The following PDE10A variants were observed in gnomAD, a reference collection of about 807,000 sequenced individuals.
PDE10A encodes phosphodiesterase 10A.
PDE10A carries 39 observed loss-of-function variants against 97.7 expected under a neutral mutation model. The ratio of observed to expected loss-of-function variants is 0.40; its 90% CI spans 0.31 to 0.52. The LOEUF (loss-of-function observed/expected upper bound fraction) is 0.52, where lower values mean the gene tolerates loss of function less well. Among genes scored for constraint, PDE10A ranks in the 20% least tolerant of loss-of-function variants. The pLI is 0.56. For missense variants in PDE10A, 731 were observed against 1,047.8 expected, an observed-to-expected ratio of 0.70 and a Z score of 4.17; for synonymous variants, 371 against 376.8, an observed-to-expected ratio of 0.98 and a Z score of 0.18.
chr6:165,407,305 T>TCGAGCACGA (rs1380469566), intron 13 of PDE10A, among the ~76,000 whole-genome samples: 8 of 152,200 alleles, frequency 5.3e-5, no homozygotes, highest in Admixed American at 1.3e-4. Context: ...GGGACCAGTC[T>TCGAGCACGA]GCATGCATTC....
intron 1 of PDE10A, among the ~76,000 whole-genome samples, chr6:165,866,231 A>G (rs913074004): frequency 6.6e-6 from 1 of 152,060 alleles, no homozygotes; most frequent in Admixed American, 6.5e-5. Context: ...ACTAAAATGC[A>G]TTGTAGAGAT....
At chr6:165,543,871 CGTGTGTGTGT>C (rs375765109) in intron 1 of PDE10A, among the ~76,000 whole-genome samples, 10 of 149,846 alleles carry the variant, frequency 6.7e-5, no homozygotes, top group African/African-American at 2.4e-4. Context: ...TTCATATATA[CGTGTGTGTGT>C]GTGTGTGTGT....
In PDE10A at chr6:165,778,658, A is replaced by G. The variant is rs1036133339; in HGVS notation, c.-615+208871T>C. Reference sequence around the variant, plus strand: ...GATTGTTCTCCAAAGCTGCTGAGGCAATTTACTTTGCCATCAATAACGGGT... The same window carrying G: ...GATTGTTCTCCAAAGCTGCTGAGGCGATTTACTTTGCCATCAATAACGGGT... On this transcript the variant is annotated intron_variant, in intron 1 of 19. Coordinates refer to the PDE10A transcript ENST00000366882. 2.6e-5 allele frequency among the ~76,000 whole-genome samples: 4 copies of G among 152,320 alleles called. No individual in the cohort carries two copies. In the South Asian group the frequency reaches 8.3e-4, roughly 32 times the overall value.
chr6:165,947,435 A>G (rs1413167711), intron 1 of PDE10A, among the ~76,000 whole-genome samples: 1 of 152,082 alleles, frequency 6.6e-6, no homozygotes, highest in African/African-American at 2.4e-5. Flanking sequence ...CTACATATCT[A>G]ATGTTGATTT....
chr6:165,719,064 T>C (rs1013044270), intron 1 of PDE10A, among the ~76,000 whole-genome samples: 4 of 152,102 alleles, frequency 2.6e-5, no homozygotes, highest in Non-Finnish European at 5.9e-5. Flanking sequence ...AAACCAATAG[T>C]TGGAAGTATA....
intron 1 of PDE10A, among the ~76,000 whole-genome samples, chr6:165,605,519 A>G (rs955150892): frequency 1.3e-5 from 2 of 152,158 alleles, no homozygotes; most frequent in African/African-American, 2.4e-5. Flanking sequence ...AATCAGAGTT[A>G]AAATTACTTC....
chr6:165,975,147 G>A (rs558504956), intron 1 of PDE10A, among the ~76,000 whole-genome samples: 4 of 152,278 alleles, frequency 2.6e-5, no homozygotes, highest in South Asian at 4.1e-4. Flanking sequence ...CTGATAAACC[G>A]CCTTTCACTT....
At chr6:165,417,748 C>G (rs1442129323) in intron 11 of PDE10A, among the ~76,000 whole-genome samples, 1 of 152,158 alleles carries the variant, frequency 6.6e-6, no homozygotes, top group Non-Finnish European at 1.5e-5. Context: ...GAGGGGCAGA[C>G]AGTGGTGGGG....
chr6:165,721,713 T>C (rs1792171620), intron 1 of PDE10A, among the ~76,000 whole-genome samples: 1 of 152,244 alleles, frequency 6.6e-6, no homozygotes, highest in African/African-American at 2.4e-5. Flanking sequence ...CACCCAGTAA[T>C]TGCTCAGTCT....
intron 1 of PDE10A, among the ~76,000 whole-genome samples, chr6:165,646,261 T>C (rs1159430919): frequency 6.6e-6 from 1 of 152,236 alleles, no homozygotes; most frequent in African/African-American, 2.4e-5. Flanking sequence ...CGGCTCTCCA[T>C]TTTCTTGTCT....
intron 1 of PDE10A, among the ~76,000 whole-genome samples, chr6:165,695,907 A>G (rs541151809): frequency 6.6e-6 from 1 of 152,282 alleles, no homozygotes; most frequent in African/African-American, 2.4e-5. Context: ...AATGCAATTT[A>G]TGCTCCAGGG....
At chr6:165,592,583 A>C (rs1467914082) in intron 1 of PDE10A, among the ~76,000 whole-genome samples, 1 of 152,254 alleles carries the variant, frequency 6.6e-6, no homozygotes, top group Admixed American at 6.5e-5. Flanking sequence ...AGAATCTACA[A>C]GGAATTTAAA....
intron 1 of PDE10A, among the ~76,000 whole-genome samples, chr6:165,900,531 C>CA (rs953524150): frequency 6.7e-5 from 10 of 150,144 alleles, no homozygotes; most frequent in African/African-American, 2.4e-4. Flanking sequence ...CACACATCAT[C>CA]TCTCTCTCTC....
At chr6:165,785,211 T>A (rs1334812782) in intron 1 of PDE10A, among the ~76,000 whole-genome samples, 1 of 152,240 alleles carries the variant, frequency 6.6e-6, no homozygotes, top group Non-Finnish European at 1.5e-5. Context: ...GGTGTTGCTG[T>A]GATCATTGGA....
chr6:165,853,409 A>G (rs1780626475), intron 1 of PDE10A, among the ~76,000 whole-genome samples: 1 of 152,150 alleles, frequency 6.6e-6, no homozygotes, highest in Non-Finnish European at 1.5e-5. Flanking sequence ...CAGTTTCAAA[A>G]ATTTATATTT....
intron 1 of PDE10A, among the ~76,000 whole-genome samples, chr6:165,851,016 T>G (rs1780557614): frequency 6.6e-6 from 1 of 152,184 alleles, no homozygotes; most frequent in South Asian, 2.1e-4. Flanking sequence ...TCTGCCTGCG[T>G]GTATAGGAAG....
At chr6:165,687,891 G>A (rs1390293798) in intron 1 of PDE10A, among the ~76,000 whole-genome samples, 1 of 152,186 alleles carries the variant, frequency 6.6e-6, no homozygotes, top group Non-Finnish European at 1.5e-5. Context: ...AGCTTGAAAT[G>A]TGGGGCCTGG....
At chr6:165,536,188 C>G (rs1017090497) in intron 2 of PDE10A, among the ~76,000 whole-genome samples, 11 of 151,820 alleles carry the variant, frequency 7.2e-5, no homozygotes, top group African/African-American at 2.4e-4. Context: ...TCATTTTTGA[C>G]AAGGACGCCA....
chr6:165,381,982 T>TA (rs755283903), intron 17 of PDE10A, among the ~76,000 whole-genome samples: 8 of 152,168 alleles, frequency 5.3e-5, no homozygotes, highest in Non-Finnish European at 1.0e-4. Flanking sequence ...TTACTATAGT[T>TA]ACATAGTTTG....
Sources: gnomAD v4.1 joint callset for allele counts (sites outside exome capture counted in the v4.1 genomes callset) on GRCh38, gnomAD v4.1.1 for gene constraint, MANE v1.5 for transcripts, NCBI Gene and HGNC (gene_info 2026-07-23, HGNC 2026-07-21) for gene names.